The following RAB10 variants were observed in gnomAD, a reference collection of about 807,000 sequenced individuals.
RAB10 encodes RAB10, member RAS oncogene family.
A neutral mutation model predicts 25.7 loss-of-function variants in RAB10; 5 were observed. The ratio of observed to expected loss-of-function variants is 0.19; its 90% CI spans 0.10 to 0.41. The LOEUF is 0.41. RAB10 is among the 10% of genes least tolerant of loss of function. The pLI, the probability that RAB10 is intolerant of heterozygous loss-of-function variation, is 1.00. For synonymous variants in RAB10, 89 were observed against 86.4 expected (o/e 1.03, Z -0.16); for missense variants, 103 against 245.8 (o/e 0.42, Z 3.89).
chr2:26,100,691 C>T (rs1312330516), intron 2 of RAB10, among the ~76,000 whole-genome samples: 1 of 152,124 alleles, frequency 6.6e-6, no homozygotes, highest in East Asian at 1.9e-4. Context: ...TTTTTGGTAA[C>T]ATAATGAAGT....
chr2:26,056,373 A>C (rs937230395), intron 1 of RAB10, among the ~76,000 whole-genome samples: 4 of 150,920 alleles, frequency 2.7e-5, no homozygotes, highest in Non-Finnish European at 4.4e-5. Context: ...TAATTTTTGT[A>C]TTTTTAGTAG....
chr2:26,119,709 G>T (rs1667763162), intron 3 of RAB10, among the ~76,000 whole-genome samples: 1 of 152,084 alleles, frequency 6.6e-6, no homozygotes. Flanking sequence ...TGTGGTGATG[G>T]GGTCTTACTG....
At chr2:26,128,475 A>G (rs1016304116) in intron 5 of RAB10, among the ~76,000 whole-genome samples, 6 of 152,174 alleles carry the variant, frequency 3.9e-5, no homozygotes, top group African/African-American at 9.7e-5. Flanking sequence ...GTAACCATTA[A>G]TATTCTGAGC....
At chr2:26,112,987 C>T (rs1667605810) in intron 3 of RAB10, among the ~76,000 whole-genome samples, 1 of 152,054 alleles carries the variant, frequency 6.6e-6, no homozygotes, top group Non-Finnish European at 1.5e-5. Context: ...GAGGCCAAGG[C>T]AGGAGAATCA....
intron 1 of RAB10, among the ~76,000 whole-genome samples, chr2:26,038,413 C>G (rs1665812410): frequency 6.6e-6 from 1 of 151,730 alleles, no homozygotes; most frequent in African/African-American, 2.4e-5. Context: ...TCAGGCTGCT[C>G]TTGAACTCCT....
chr2:26,120,926 T>C (rs1490660715), intron 3 of RAB10, among the ~76,000 whole-genome samples: 2 of 151,318 alleles, frequency 1.3e-5, no homozygotes, highest in Non-Finnish European at 2.9e-5. Context: ...ATTTTTTTTT[T>C]CCCGAGACAA....
chr2:26,105,230 A>G (rs917794245), intron 2 of RAB10, among the ~76,000 whole-genome samples: 1 of 152,226 alleles, frequency 6.6e-6, no homozygotes, highest in African/African-American at 2.4e-5. Flanking sequence ...TGGTGTGTGG[A>G]GAACGGCAGT....
intron 1 of RAB10, among the ~76,000 whole-genome samples, chr2:26,083,559 G>A (rs1402091149): frequency 1.3e-5 from 2 of 152,038 alleles, no homozygotes; most frequent in East Asian, 1.9e-4. Flanking sequence ...CGCCTCCCAG[G>A]TTCTAGCAAT....
chr2:26,034,684 C>CT lies in RAB10; in HGVS notation c.81dup (p.Arg28SerfsTer5). The CT allele has an allele frequency of 6.2e-7, 1 of 1,614,246 alleles. No individual in the cohort carries two copies. Among genetic ancestry groups the CT allele is most frequent in the Non-Finnish European group, 8.5e-7 (1 of 1,180,038 alleles). Reference sequence around the variant, plus strand: ...TTCCGGAGTGGGGAAGACCTGCGTCCTTTTTCGTTTTTCGGATGATGCCTT... The same window carrying CT: ...TTCCGGAGTGGGGAAGACCTGCGTCCTTTTTTCGTTTTTCGGATGATGCCTT... On this transcript the variant is annotated frameshift_variant, in exon 1 of 6. Coordinates refer to ENST00000264710, the MANE Select transcript of RAB10 (RefSeq NM_016131.5). LOFTEE classifies it high-confidence loss of function.
At chr2:26,056,946 T>C (rs1666279767) in intron 1 of RAB10, among the ~76,000 whole-genome samples, 1 of 152,200 alleles carries the variant, frequency 6.6e-6, no homozygotes, top group African/African-American at 2.4e-5. Context: ...GTGCCTACTA[T>C]GAAGGACTCT....
chr2:26,079,986 C>A (rs1666833229), intron 1 of RAB10, among the ~76,000 whole-genome samples: 1 of 152,142 alleles, frequency 6.6e-6, no homozygotes, highest in Non-Finnish European at 1.5e-5. Context: ...ATAAAAGGAA[C>A]TAGGGCCCCT....
chr2:26,126,391 A>G (rs911351769), intron 3 of RAB10, among the ~76,000 whole-genome samples: 6 of 152,166 alleles, frequency 3.9e-5, no homozygotes, highest in African/African-American at 1.4e-4. Flanking sequence ...CAGCCTGGCC[A>G]ACATGGCAAA....
At chr2:26,060,576 A>G (rs908127094) in intron 1 of RAB10, among the ~76,000 whole-genome samples, 2 of 152,156 alleles carry the variant, frequency 1.3e-5, no homozygotes, top group African/African-American at 4.8e-5. Flanking sequence ...GCATGAGCCA[A>G]CGTGCCCGGC....
At chr2:26,055,220 A>G (rs1040712767) in intron 1 of RAB10, among the ~76,000 whole-genome samples, 1 of 152,126 alleles carries the variant, frequency 6.6e-6, no homozygotes, top group Non-Finnish European at 1.5e-5. Flanking sequence ...GTGCACTAAA[A>G]TCCAACTACT....
chr2:26,071,495 A>G (rs1574537615), intron 1 of RAB10, among the ~76,000 whole-genome samples: 1 of 152,134 alleles, frequency 6.6e-6, no homozygotes, highest in Non-Finnish European at 1.5e-5. Flanking sequence ...CAAGACCAGC[A>G]TGGCCAACAT....
chr2:26,064,533 G>A (rs1195300859), intron 1 of RAB10, among the ~76,000 whole-genome samples: 2 of 151,748 alleles, frequency 1.3e-5, no homozygotes, highest in East Asian at 3.9e-4. Context: ...TTGTAGAGAT[G>A]GGGTGTACAC....
intron 3 of RAB10, among the ~76,000 whole-genome samples, chr2:26,121,650 C>CTG (rs1257820428): frequency 6.6e-6 from 1 of 152,108 alleles, no homozygotes; most frequent in Admixed American, 6.5e-5. Flanking sequence ...AGATACTAGT[C>CTG]TATTTTATTA....
chr2:26,092,779 A>G (rs1001887725), intron 1 of RAB10, among the ~76,000 whole-genome samples: 2 of 152,158 alleles, frequency 1.3e-5, no homozygotes, highest in Non-Finnish European at 2.9e-5. Context: ...TTGTATACCT[A>G]GCTGAAGTTG....
chr2:26,054,749 A>G (rs1666215756), intron 1 of RAB10, among the ~76,000 whole-genome samples: 1 of 152,232 alleles, frequency 6.6e-6, no homozygotes. Context: ...ACCAGTTGTC[A>G]GCATTTTGCT....
Sources: gnomAD v4.1 joint callset for allele counts (sites outside exome capture counted in the v4.1 genomes callset) on GRCh38, gnomAD v4.1.1 for gene constraint, MANE v1.5 for transcripts, NCBI Gene and HGNC (gene_info 2026-07-23, HGNC 2026-07-21) for gene names.